SGIP1: variants seen among roughly 807,000 people sequenced by gnomAD.
The protein encoded by SGIP1 is SH3-containing GRB2-like protein 3-interacting protein 1.
A neutral mutation model predicts 107.5 loss-of-function variants in SGIP1; 38 were observed. The observed-to-expected ratio is 0.35, with a 90% CI of 0.27 to 0.46. The LOEUF (loss-of-function observed/expected upper bound fraction) is 0.46, where lower values mean the gene tolerates loss of function less well. SGIP1 is among the 20% of genes least tolerant of loss of function. SGIP1 has a pLI of 1.00. For synonymous variants in SGIP1, 365 were observed against 366.1 expected, an observed-to-expected ratio of 1.00 and a Z score of 0.03; for missense variants, 929 against 1,019.5, an observed-to-expected ratio of 0.91 and a Z score of 1.21.
At chr1:66,600,843 T>A (rs141219473) in intron 1 of SGIP1, among the ~76,000 whole-genome samples, 77 of 152,268 alleles carry the variant, frequency 5.1e-4, no homozygotes, top group Non-Finnish European at 8.4e-4. Flanking sequence ...CCACCAATAG[T>A]GTGTAGAGTA....
Position 66,729,142 on chromosome 1 carries a change from G to C in SGIP1, c.1743-122G>C, listed in dbSNP as rs2093895705. On this transcript the variant is annotated intron_variant, in intron 19 of 24. Coordinates refer to ENST00000371037, the MANE Select transcript of SGIP1 (RefSeq NM_032291.4). ...AGTATTTTTTAATGGAATTGTAAGA[G>C]CCTGCCTTTTATCTCTTCTGCTATT... 4.5e-6 allele frequency: 5 copies of C among 1,117,574 alleles called. No individual in the cohort carries two copies. In the Admixed American group the frequency reaches 1.3e-4, roughly 28 times the overall value. The allele number at this position is 1,117,574 out of a possible 1,614,324, so 69.2% of individuals were successfully genotyped here.
intron 19 of SGIP1, among the ~76,000 whole-genome samples, chr1:66,720,232 G>A (rs144275565): frequency 1.4e-3 from 212 of 151,956 alleles, no homozygotes; most frequent in African/African-American, 4.8e-3. Context: ...AAAGAGATTT[G>A]TAATCCAAAA....
chr1:66,638,290 T>C (rs2076166929), intron 4 of SGIP1, among the ~76,000 whole-genome samples: 1 of 152,174 alleles, frequency 6.6e-6, no homozygotes, highest in Non-Finnish European at 1.5e-5. Context: ...TGGTACATTA[T>C]GTAATGGACC....
intron 2 of SGIP1, chr1:66,628,594 T>C (rs947762770): frequency 6.5e-6 from 1 of 154,762 alleles, no homozygotes; most frequent in Non-Finnish European, 1.5e-5. Context: ...ATGTCTGTAA[T>C]TGACTGCACC....
intron 1 of SGIP1, among the ~76,000 whole-genome samples, chr1:66,601,434 T>C (rs1040442800): frequency 1.3e-5 from 2 of 152,152 alleles, no homozygotes; most frequent in Non-Finnish European, 2.9e-5. Context: ...GCAACCTTTA[T>C]AGTGCTTCAG....
chr1:66,607,281 A>G (rs1447843184), intron 1 of SGIP1, among the ~76,000 whole-genome samples: 1 of 152,196 alleles, frequency 6.6e-6, no homozygotes, highest in African/African-American at 2.4e-5. Flanking sequence ...AGGACAAGGA[A>G]CCAGGACTTG....
chr1:66,594,665 G>A (rs115716736), intron 1 of SGIP1, among the ~76,000 whole-genome samples: 32 of 152,198 alleles, frequency 2.1e-4, no homozygotes, highest in Non-Finnish European at 3.8e-4. Flanking sequence ...AATAAACTCC[G>A]GTTTATTAAC....
At chr1:66,594,033 A>G (rs1361910616) in intron 1 of SGIP1, among the ~76,000 whole-genome samples, 1 of 152,210 alleles carries the variant, frequency 6.6e-6, no homozygotes, top group African/African-American at 2.4e-5. Context: ...TTAACCAATA[A>G]CAAGAGTGTG....
chr1:66,721,189 G>T (rs1324121393), intron 19 of SGIP1, among the ~76,000 whole-genome samples: 1 of 152,158 alleles, frequency 6.6e-6, no homozygotes, highest in Non-Finnish European at 1.5e-5. Flanking sequence ...CTCCTATAGA[G>T]CATACGTCTG....
chr1:66,540,984 C>T (rs2054798777), intron 1 of SGIP1, among the ~76,000 whole-genome samples: 1 of 152,204 alleles, frequency 6.6e-6, no homozygotes, highest in African/African-American at 2.4e-5. Flanking sequence ...ATGACTGACT[C>T]CTTTTCCTCT....
chr1:66,731,662 C>T (rs1277686301), intron 20 of SGIP1, among the ~76,000 whole-genome samples: 4 of 152,080 alleles, frequency 2.6e-5, no homozygotes, highest in Non-Finnish European at 5.9e-5. Context: ...TATGCAGTGC[C>T]ACTCCACTAC....
At chr1:66,624,278 T>C (rs983107204) in intron 1 of SGIP1, among the ~76,000 whole-genome samples, 1 of 152,218 alleles carries the variant, frequency 6.6e-6, no homozygotes, top group Non-Finnish European at 1.5e-5. Context: ...TATGATACTT[T>C]GTCCTTATAA....
intron 17 of SGIP1, 122 bp downstream of exon 17, chr1:66,690,438 T>A (rs1024764465): frequency 1.5e-6 from 2 of 1,361,764 alleles, no homozygotes; most frequent in African/African-American, 1.5e-5. Context: ...TTTGCTACTA[T>A]TACCTGACTC....
At chr1:66,575,110 C>T (rs1350579960) in intron 1 of SGIP1, among the ~76,000 whole-genome samples, 1 of 152,128 alleles carries the variant, frequency 6.6e-6, no homozygotes, top group Non-Finnish European at 1.5e-5. Flanking sequence ...CACATCATCT[C>T]CATAGTCCTG....
chr1:66,581,378 A>G (rs1024015657), intron 1 of SGIP1, among the ~76,000 whole-genome samples: 2 of 152,086 alleles, frequency 1.3e-5, no homozygotes, highest in Non-Finnish European at 2.9e-5. Context: ...GGTGTTAATG[A>G]AAGTATTTAT....
intron 7 of SGIP1, among the ~76,000 whole-genome samples, chr1:66,659,105 A>G (rs2080370363): frequency 6.6e-6 from 1 of 152,172 alleles, no homozygotes; most frequent in Non-Finnish European, 1.5e-5. Flanking sequence ...CATAGAATGG[A>G]GTTGGCATTC....
chr1:66,729,706 GTC>G (rs1318163334), intron 20 of SGIP1, among the ~76,000 whole-genome samples: 1 of 152,196 alleles, frequency 6.6e-6, no homozygotes, highest in Non-Finnish European at 1.5e-5. Context: ...TTTGTTCATC[GTC>G]TGTTTTACTC....
intron 5 of SGIP1, 98 bp from the exon 6 acceptor site, chr1:66,642,712 G>C (rs1251425868): frequency 9.9e-7 from 1 of 1,014,158 alleles, no homozygotes; most frequent in Non-Finnish European, 1.4e-6. Context: ...TAAAAGAAAA[G>C]ACTTTTCTAT....
At chr1:66,714,942 AC>A (rs1339144847) in intron 18 of SGIP1, among the ~76,000 whole-genome samples, 2 of 152,246 alleles carry the variant, frequency 1.3e-5, no homozygotes, top group Non-Finnish European at 2.9e-5. Flanking sequence ...ATGCTACTAA[AC>A]AAAAACTCTC....
Sources: gnomAD v4.1 joint callset for allele counts (sites outside exome capture counted in the v4.1 genomes callset) on GRCh38, gnomAD v4.1.1 for gene constraint, MANE v1.5 for transcripts, NCBI Gene and HGNC (gene_info 2026-07-23, HGNC 2026-07-21) for gene names.